Variants in TBC1D19 observed in about 807,000 individuals in gnomAD.
TBC1D19 encodes TBC1 domain family, member 19.
TBC1D19 carries 60 observed loss-of-function variants against 89.0 expected under a neutral mutation model. The ratio of observed to expected loss-of-function variants is 0.67; its 90% confidence interval spans 0.55 to 0.84. The LOEUF (loss-of-function observed/expected upper bound fraction) is 0.84, where lower values mean the gene tolerates loss of function less well. Ranked by LOEUF, TBC1D19 falls within the 40% of genes least tolerant of loss-of-function variation. The probability of loss-of-function intolerance (pLI) is 0.00; values close to 1 mark genes in which losing one functional copy is unlikely to be tolerated. For synonymous variants in TBC1D19, 189 were observed against 199.7 expected, an observed-to-expected ratio of 0.95 and a Z score of 0.45; for missense variants, 500 against 610.8, an observed-to-expected ratio of 0.82 and a Z score of 1.91.
chr4:26,778,359 T>A, the TBC1D19 span, among the ~76,000 whole-genome samples: 1 of 146,166 alleles, frequency 6.8e-6, no homozygotes, highest in Non-Finnish European at 1.5e-5. Context: ...GAGCTTGCAG[T>A]GAGCCAAGAT....
At chr4:26,783,550 T>C in the TBC1D19 span, among the ~76,000 whole-genome samples, 1 of 149,606 alleles carries the variant, frequency 6.7e-6, no homozygotes, top group African/African-American at 2.5e-5. Flanking sequence ...TATTCCAAGA[T>C]AAAAAGCACA....
At chr4:26,746,565 A>G (rs1357950665) in intron 18 of TBC1D19, among the ~76,000 whole-genome samples, 1 of 152,118 alleles carries the variant, frequency 6.6e-6, no homozygotes, top group Non-Finnish European at 1.5e-5. Context: ...CATACAAAAC[A>G]TATTGAACTG....
At chr4:26,772,472 A>G in the TBC1D19 span, among the ~76,000 whole-genome samples, 1 of 151,562 alleles carries the variant, frequency 6.6e-6, no homozygotes, top group African/African-American at 2.4e-5. Context: ...TTTTTCCTTC[A>G]ACTTTTAAGT....
At chr4:26,680,237 G>C (rs187134114) in intron 11 of TBC1D19, among the ~76,000 whole-genome samples, 428 of 152,254 alleles carry the variant, frequency 2.8e-3, no homozygotes, top group Non-Finnish European at 5.2e-3. Context: ...ATAGCAGCAT[G>C]ATAATGGACT....
chr4:26,814,488 A>G, the TBC1D19 span, among the ~76,000 whole-genome samples: 9 of 152,362 alleles, frequency 5.9e-5, no homozygotes, highest in African/African-American at 2.2e-4. Flanking sequence ...AGACGTGGCT[A>G]CAGATGACTA....
intron 1 of TBC1D19, among the ~76,000 whole-genome samples, chr4:26,603,071 A>G (rs978502975): frequency 7.2e-5 from 11 of 152,148 alleles, no homozygotes; most frequent in African/African-American, 2.4e-4. Context: ...ATTGGGATGT[A>G]TTTTCTCAAA....
chr4:26,699,989 G>C (rs1715178827), intron 13 of TBC1D19, among the ~76,000 whole-genome samples: 1 of 151,762 alleles, frequency 6.6e-6, no homozygotes, highest in East Asian at 1.9e-4. Context: ...TTGTGCACAT[G>C]TACCCTAGAA....
the TBC1D19 span, among the ~76,000 whole-genome samples, chr4:26,849,298 G>C: frequency 2.0e-5 from 3 of 151,996 alleles, no homozygotes; most frequent in Admixed American, 6.6e-5. Flanking sequence ...ACACAATATG[G>C]CTGTTCTTCA....
chr4:26,835,915 C>A, the TBC1D19 span, among the ~76,000 whole-genome samples: 1 of 152,096 alleles, frequency 6.6e-6, no homozygotes, highest in Non-Finnish European at 1.5e-5. Flanking sequence ...TTCCTGTTCT[C>A]CCCTTCAAAA....
the TBC1D19 span, among the ~76,000 whole-genome samples, chr4:26,828,810 T>C: frequency 6.6e-6 from 1 of 152,224 alleles, no homozygotes; most frequent in African/African-American, 2.4e-5. Context: ...GCCTGGATGT[T>C]GTAAGTGCTG....
the TBC1D19 span, among the ~76,000 whole-genome samples, chr4:26,800,629 A>C: frequency 2.6e-5 from 4 of 152,296 alleles, no homozygotes; most frequent in African/African-American, 7.2e-5. Context: ...CCAACAGTGT[A>C]AAAGTGTTCC....
At chr4:26,676,585 A>G (rs1043152505) in intron 11 of TBC1D19, among the ~76,000 whole-genome samples, 4 of 151,866 alleles carry the variant, frequency 2.6e-5, no homozygotes, top group African/African-American at 9.7e-5. Flanking sequence ...CAGGCATGGT[A>G]GTGCATGCCT....
At chr4:26,718,338 TC>T (rs1357875895) in intron 14 of TBC1D19, among the ~76,000 whole-genome samples, 2 of 115,358 alleles carry the variant, frequency 1.7e-5, no homozygotes, top group East Asian at 6.0e-4. Context: ...ATTTGCTTTT[TC>T]TACTTTTTTT....
Position 26,638,091 on chromosome 4 carries a change from T to A in TBC1D19, c.370-680T>A, listed in dbSNP as rs1474375201. Among the ~76,000 whole-genome samples, 1,330 of 151,278 alleles carry A rather than the reference T, an allele frequency of 8.8e-3. 19 individuals carry two copies. Among genetic ancestry groups the A allele is most frequent in the African/African-American group, 0.031 (1,245 of 40,608 alleles). ...TTAGATCTAATACTCAACATTTATG[T>A]TACTCTGGGCATTGAGGAGAAAAGA... On this transcript the variant is annotated intron_variant, in intron 5 of 20. Coordinates refer to ENST00000264866, the MANE Select transcript of TBC1D19 (RefSeq NM_018317.4).
At chr4:26,623,451 T>C (rs534803115) in intron 4 of TBC1D19, among the ~76,000 whole-genome samples, 1 of 152,290 alleles carries the variant, frequency 6.6e-6, no homozygotes, top group South Asian at 2.1e-4. Context: ...TCAACCTCTG[T>C]CTCACTCATT....
chr4:26,704,451 A>G (rs900769872), intron 13 of TBC1D19, among the ~76,000 whole-genome samples: 5 of 152,176 alleles, frequency 3.3e-5, no homozygotes, highest in African/African-American at 1.2e-4. Context: ...TCTGGCATAT[A>G]CTTAGTAGTA....
chr4:26,804,076 AAAACAG>A, the TBC1D19 span, among the ~76,000 whole-genome samples: 2 of 151,768 alleles, frequency 1.3e-5, no homozygotes, highest in Non-Finnish European at 2.9e-5. Context: ...AAAACAAAAC[AAAACAG>A]AAACAGAAAC....
At chr4:26,797,757 T>C in the TBC1D19 span, among the ~76,000 whole-genome samples, 1 of 152,134 alleles carries the variant, frequency 6.6e-6, no homozygotes, top group Non-Finnish European at 1.5e-5. Flanking sequence ...TACATGTAAC[T>C]GATCCTTAAC....
chr4:26,725,177 T>C (rs1717231126), intron 15 of TBC1D19, among the ~76,000 whole-genome samples: 1 of 152,194 alleles, frequency 6.6e-6, no homozygotes, highest in Non-Finnish European at 1.5e-5. Flanking sequence ...GAGTAGGGTA[T>C]GGTAGGTGGG....
Sources: allele counts gnomAD v4.1 joint callset (sites outside exome capture counted in the v4.1 genomes callset), GRCh38; gene constraint gnomAD v4.1.1; transcripts MANE v1.5; gene names NCBI Gene and HGNC (gene_info 2026-07-23, HGNC 2026-07-21).